The following ABI3BP variants were observed in gnomAD, a reference collection of about 807,000 sequenced individuals.
The protein encoded by ABI3BP is ABI family member 3 binding protein, also known as target of Nesh-SH3.
ABI3BP carries 216 observed loss-of-function variants against 268.6 expected under a neutral mutation model. The observed-to-expected ratio is 0.80, with a 90% CI of 0.72 to 0.90. The LOEUF (loss-of-function observed/expected upper bound fraction) is 0.90. Among genes scored for constraint, ABI3BP ranks in the 40% least tolerant of loss-of-function variants. ABI3BP has a pLI of 0.00. For missense variants in ABI3BP, 2,090 were observed against 2,182.4 expected, an observed-to-expected ratio of 0.96 and a Z score of 0.84; for synonymous variants, 730 against 730.0, an observed-to-expected ratio of 1.00 and a Z score of 0.00.
intron 62 of ABI3BP, among the ~76,000 whole-genome samples, chr3:100,768,053 C>T (rs1340634033): frequency 6.7e-6 from 1 of 149,226 alleles, no homozygotes; most frequent in Non-Finnish European, 1.5e-5. Context: ...ACTTCTATTG[C>T]ATGTCTTCTC....
At position 100,833,175 on chromosome 3, in the gene ABI3BP, C is replaced by T. The variant is rs2098520928; in HGVS notation, c.2282-18G>A. 11 of 1,530,910 alleles carry T rather than the reference C, an allele frequency of 7.2e-6. No homozygotes were observed. The highest frequency in any genetic ancestry group is 9.6e-6 in the Non-Finnish European group (11 of 1,143,396). The allele number at this position is 1,530,910 out of a possible 1,614,324, so 94.8% of individuals were successfully genotyped here. On this transcript the variant is annotated intron_variant, in intron 29 of 67. Coordinates refer to ENST00000471714, the MANE Select transcript of ABI3BP (RefSeq NM_001375547.2). ...TCCAAAGTCTGTAGCAAGAAATGATCAAAAGCAATTTTAAAAAGAAATAAA... is the reference window on the plus strand; with the variant it reads ...TCCAAAGTCTGTAGCAAGAAATGATTAAAAGCAATTTTAAAAAGAAATAAA...
At chr3:100,890,257 CTCT>C (rs1305981859) in intron 4 of ABI3BP, among the ~76,000 whole-genome samples, 1 of 152,020 alleles carries the variant, frequency 6.6e-6, no homozygotes, top group East Asian at 1.9e-4. Context: ...ACATTTTTGA[CTCT>C]TCATGTCAAA....
intron 1 of ABI3BP, among the ~76,000 whole-genome samples, chr3:100,989,802 C>A (rs2092632237): frequency 1.3e-5 from 2 of 152,076 alleles, no homozygotes; most frequent in African/African-American, 4.8e-5. Context: ...AGCCTGTTTG[C>A]CAGGAAAAGA....
intron 61 of ABI3BP, among the ~76,000 whole-genome samples, chr3:100,774,327 G>A (rs1469684159): frequency 2.6e-5 from 4 of 152,028 alleles, no homozygotes; most frequent in Non-Finnish European, 5.9e-5. Flanking sequence ...GTCACTGTTG[G>A]TTGTTCATCC....
In ABI3BP at chr3:100,897,958, T is replaced by C. The variant is rs1432418568; in HGVS notation, c.461+804A>G. 2.0e-5 allele frequency among the ~76,000 whole-genome samples: 3 copies of C among 152,220 alleles called. No homozygotes were observed. The East Asian group carries it at 5.8e-4, about 29-fold the overall frequency. ...TTTTGAAGCTAATATAGTAAATATT[T>C]ATAAGCAAACATCATTTTATAACCA... On this transcript the variant is annotated intron_variant, in intron 4 of 67. Transcript: ENST00000471714.
chr3:100,886,629 C>A (rs76641092), intron 4 of ABI3BP, among the ~76,000 whole-genome samples: 1 of 151,808 alleles, frequency 6.6e-6, no homozygotes, highest in Non-Finnish European at 1.5e-5. Flanking sequence ...CTAGAAAAAA[C>A]GTAGATATTA....
In ABI3BP at chr3:100,820,972, T is replaced by A; in HGVS notation, c.2947+82A>T. 5.1e-6 allele frequency: 6 copies of A among 1,168,736 alleles called. No individual in the cohort carries two copies. In the South Asian group the frequency reaches 7.9e-5, roughly 15 times the overall value. 72.4% of individuals were successfully genotyped at this position (1,168,736 alleles called of 1,614,324 possible). On this transcript the variant is annotated intron_variant, in intron 39 of 67. Coordinates refer to ENST00000471714, the MANE Select transcript of ABI3BP (RefSeq NM_001375547.2). ...AATGATGATGTAGTCTTGAAAAGCA[T>A]AAGAATCTGCGGCTATGATGATGGA...
At chr3:100,911,977 TA>T (rs1381610054) in intron 2 of ABI3BP, 2 of 844,082 alleles carry the variant, frequency 2.4e-6, no homozygotes, top group South Asian at 1.4e-5. Context: ...TTATAAAAGC[TA>T]AAAAAAGCAT....
intron 20 of ABI3BP, chr3:100,843,899 A>C: frequency 3.0e-6 from 3 of 985,262 alleles, no homozygotes; most frequent in Non-Finnish European, 3.6e-6. Flanking sequence ...CTTCACAAAA[A>C]TTAAAGAACG....
At chr3:100,983,449 G>A (rs1434303390) in intron 1 of ABI3BP, among the ~76,000 whole-genome samples, 1 of 152,118 alleles carries the variant, frequency 6.6e-6, no homozygotes, top group Non-Finnish European at 1.5e-5. Context: ...CCTATATTTT[G>A]CACTGAAATC....
At chr3:100,951,240 C>A (rs919368195) in intron 1 of ABI3BP, among the ~76,000 whole-genome samples, 1 of 151,850 alleles carries the variant, frequency 6.6e-6, no homozygotes, top group Non-Finnish European at 1.5e-5. Flanking sequence ...CATGTGTATG[C>A]ACGTGTGTGA....
intron 38 of ABI3BP, 35 bp downstream of exon 38, chr3:100,822,554 G>T (rs1220571705): frequency 6.6e-7 from 1 of 1,520,408 alleles, no homozygotes. Flanking sequence ...GGCTTAGGCT[G>T]CAGGGACTCT....
At chr3:100,837,194 A>AT in intron 26 of ABI3BP, 23 bp from the exon 27 acceptor site, 1 of 1,522,796 alleles carries the variant, frequency 6.6e-7, no homozygotes, top group Non-Finnish European at 8.8e-7. Flanking sequence ...AAATAAACAG[A>AT]TATAAGTAAT....
Position 100,834,914 on chromosome 3 carries a change from A to C in ABI3BP, c.2192-141T>G, listed in dbSNP as rs570441733. ...GTTTAGAATTTTCTTCTGATCATCT[A>C]TATGCAAAAATATGTATTTTTGGTC... On this transcript the variant is annotated intron_variant, in intron 28 of 67. Transcript: ENST00000471714. 9 of 677,888 alleles carry C rather than the reference A, an allele frequency of 1.3e-5. No individual in the cohort carries two copies. The African/African-American group carries it at 1.4e-4, about 11-fold the overall frequency. The allele number at this position is 677,888 out of a possible 1,614,324, so 42.0% of individuals were successfully genotyped here. A position where few individuals can be genotyped will look rare whatever the true frequency, so the allele number is the denominator to read the frequency against.
At chr3:100,847,131 C>A (rs1442449464) in intron 19 of ABI3BP, among the ~76,000 whole-genome samples, 1 of 152,024 alleles carries the variant, frequency 6.6e-6, no homozygotes, top group Non-Finnish European at 1.5e-5. Context: ...GGCCTGTCTA[C>A]CTAAACACAT....
intron 40 of ABI3BP, among the ~76,000 whole-genome samples, chr3:100,819,101 T>C (rs766735908): frequency 6.6e-6 from 1 of 152,196 alleles, no homozygotes; most frequent in Non-Finnish European, 1.5e-5. Context: ...TACTCTCTAA[T>C]CATAAAAGTG....
chr3:100,941,729 G>A (rs917914622), intron 1 of ABI3BP, among the ~76,000 whole-genome samples: 25 of 152,242 alleles, frequency 1.6e-4, no homozygotes, highest in African/African-American at 5.8e-4. Context: ...TACCAAAGGA[G>A]CAGTAACTAC....
At chr3:100,964,965 A>G (rs909413229) in intron 1 of ABI3BP, among the ~76,000 whole-genome samples, 4 of 152,240 alleles carry the variant, frequency 2.6e-5, no homozygotes, top group Admixed American at 1.3e-4. Flanking sequence ...AAGACTCATA[A>G]AGAATGAAGA....
intron 58 of ABI3BP, 131 bp downstream of exon 58, chr3:100,780,001 C>A: frequency 4.2e-6 from 3 of 710,732 alleles, no homozygotes; most frequent in Non-Finnish European, 7.4e-6. Flanking sequence ...AATACCCATG[C>A]ACTGTGTGTG....
Sources: allele counts gnomAD v4.1 joint callset (sites outside exome capture counted in the v4.1 genomes callset), GRCh38; gene constraint gnomAD v4.1.1; transcripts MANE v1.5; gene names NCBI Gene and HGNC (gene_info 2026-07-23, HGNC 2026-07-21).